The following MTREX variants were observed in gnomAD, a reference collection of about 807,000 sequenced individuals.
MTREX encodes the protein exosome RNA helicase MTR4.
A neutral mutation model predicts 135.4 loss-of-function variants in MTREX; 76 were observed. The ratio of observed to expected loss-of-function variants is 0.56; its 90% CI spans 0.47 to 0.68. The LOEUF (loss-of-function observed/expected upper bound fraction) is 0.68. Ranked by LOEUF, MTREX falls within the 30% of genes least tolerant of loss-of-function variation. The probability of loss-of-function intolerance (pLI) is 0.00; values close to 1 mark genes in which losing one functional copy is unlikely to be tolerated. For synonymous variants in MTREX, 404 were observed against 401.6 expected, an observed-to-expected ratio of 1.01 and a Z score of -0.07; for missense variants, 920 against 1,262.1, an observed-to-expected ratio of 0.73 and a Z score of 4.11.
chr5:55,410,935 A>G (rs577650090), intron 23 of MTREX, among the ~76,000 whole-genome samples: 32 of 152,340 alleles, frequency 2.1e-4, no homozygotes, highest in African/African-American at 7.5e-4. Context: ...AAATAAAAAG[A>G]TGAGTGAGAA....
chr5:55,358,301 G>T (rs1749953355), intron 14 of MTREX, among the ~76,000 whole-genome samples: 1 of 152,144 alleles, frequency 6.6e-6, no homozygotes, highest in Non-Finnish European at 1.5e-5. Flanking sequence ...TTTAAATTTA[G>T]ATTAAAAGCA....
At chr5:55,327,057 A>G (rs910713256) in intron 3 of MTREX, among the ~76,000 whole-genome samples, 3 of 152,322 alleles carry the variant, frequency 2.0e-5, no homozygotes, top group East Asian at 1.9e-4. Context: ...ATAGTATTCC[A>G]TGGTGTATAT....
At chr5:55,354,773 C>T (rs1749883519) in intron 14 of MTREX, among the ~76,000 whole-genome samples, 1 of 152,150 alleles carries the variant, frequency 6.6e-6, no homozygotes. Flanking sequence ...GGCCCTAGCC[C>T]CTTCCTACCC....
chr5:55,359,927 T>C (rs1749981129), intron 15 of MTREX, among the ~76,000 whole-genome samples: 1 of 152,200 alleles, frequency 6.6e-6, no homozygotes, highest in South Asian at 2.1e-4. Context: ...TAAAATTAAC[T>C]TTTCTAATAG....
At chr5:55,401,049 G>A (rs1273010652) in intron 21 of MTREX, among the ~76,000 whole-genome samples, 1 of 152,022 alleles carries the variant, frequency 6.6e-6, no homozygotes, top group Non-Finnish European at 1.5e-5. Flanking sequence ...GCGTGTGTGT[G>A]TGTGAGACAG....
intron 15 of MTREX, among the ~76,000 whole-genome samples, chr5:55,362,104 T>TTTTTTC (rs1295248277): frequency 9.5e-5 from 14 of 147,300 alleles, no homozygotes; most frequent in African/African-American, 3.3e-4. Flanking sequence ...TTTTTTTTTT[T>TTTTTTC]TGTATTTTTT....
intron 25 of MTREX, among the ~76,000 whole-genome samples, chr5:55,417,126 AT>A (rs1416819985): frequency 6.6e-6 from 1 of 152,098 alleles, no homozygotes; most frequent in Non-Finnish European, 1.5e-5. Flanking sequence ...ATGGTGTTGT[AT>A]CTTACATATT....
intron 20 of MTREX, among the ~76,000 whole-genome samples, chr5:55,398,109 G>T (rs1750672528): frequency 6.6e-6 from 1 of 152,112 alleles, no homozygotes; most frequent in South Asian, 2.1e-4. Flanking sequence ...TCAGTGGTAT[G>T]CATCTATAAT....
chr5:55,413,880 A>G (rs965633092), intron 23 of MTREX, among the ~76,000 whole-genome samples: 1 of 152,230 alleles, frequency 6.6e-6, no homozygotes, highest in Non-Finnish European at 1.5e-5. Flanking sequence ...GTATGTTTAC[A>G]ATATTTACCC....
intron 13 of MTREX, among the ~76,000 whole-genome samples, chr5:55,351,236 C>T (rs902354922): frequency 6.6e-6 from 1 of 151,920 alleles, no homozygotes; most frequent in Non-Finnish European, 1.5e-5. Context: ...TTCCTTTCTT[C>T]AAGAATGTAG....
At chr5:55,347,241 T>A in intron 11 of MTREX, 97 bp downstream of exon 11, 1 of 1,242,848 alleles carries the variant, frequency 8.0e-7, no homozygotes. Flanking sequence ...TACTAGGATA[T>A]GCCATTCACC....
At chr5:55,382,351 A>G (rs942487796) in intron 18 of MTREX, among the ~76,000 whole-genome samples, 2 of 152,098 alleles carry the variant, frequency 1.3e-5, no homozygotes, top group African/African-American at 4.8e-5. Context: ...ATGTATATTT[A>G]TATAGCGAGA....
intron 15 of MTREX, among the ~76,000 whole-genome samples, chr5:55,365,862 G>A (rs2897819): frequency 0.018 from 2,678 of 151,970 alleles, 121 homozygotes; most frequent in Admixed American, 0.097. Flanking sequence ...CTGGTGGCAC[G>A]CTCCTGTAGT....
chr5:55,421,899 T>TC (rs1256957539), intron 25 of MTREX, among the ~76,000 whole-genome samples: 1 of 152,196 alleles, frequency 6.6e-6, no homozygotes, highest in Non-Finnish European at 1.5e-5. Context: ...CATTACCCTC[T>TC]CTATCCCAAT....
chr5:55,331,283 G>A (rs945729348), intron 5 of MTREX, among the ~76,000 whole-genome samples: 6 of 152,070 alleles, frequency 3.9e-5, no homozygotes, highest in Admixed American at 2.6e-4. Flanking sequence ...TACCTTGTTC[G>A]GTGCTGAATA....
chr5:55,362,350 GTTTT>G (rs927930825), intron 15 of MTREX, among the ~76,000 whole-genome samples: 14 of 150,784 alleles, frequency 9.3e-5, no homozygotes, highest in African/African-American at 3.2e-4. Flanking sequence ...CAGTTTTTTT[GTTTT>G]TTTTGTTTGT....
At chr5:55,364,949 T>C (rs914980077) in intron 15 of MTREX, among the ~76,000 whole-genome samples, 2 of 152,118 alleles carry the variant, frequency 1.3e-5, no homozygotes, top group Non-Finnish European at 2.9e-5. Context: ...ATCATCCAAA[T>C]TGGGATACTG....
intron 1 of MTREX, among the ~76,000 whole-genome samples, chr5:55,320,487 G>C (rs549848520): frequency 6.6e-6 from 1 of 152,240 alleles, no homozygotes; most frequent in Admixed American, 6.5e-5. Flanking sequence ...AAAGTACTGG[G>C]ATTACAGGCA....
chr5:55,369,899 T>C (rs190481241), intron 16 of MTREX, among the ~76,000 whole-genome samples: 62 of 148,290 alleles, frequency 4.2e-4, no homozygotes, highest in African/African-American at 1.5e-3. Context: ...ATTCATCCCT[T>C]TTTCTTTTCT....
Sources: gnomAD v4.1 joint callset for allele counts (sites outside exome capture counted in the v4.1 genomes callset) on GRCh38, gnomAD v4.1.1 for gene constraint, MANE v1.5 for transcripts, NCBI Gene and HGNC (gene_info 2026-07-23, HGNC 2026-07-21) for gene names.